The following FER variants were observed in gnomAD, a reference collection of about 807,000 sequenced individuals.
FER encodes tyrosine-protein kinase Fer.
In FER, 63 loss-of-function variants were observed where a neutral mutation model predicts 111.0. The ratio of observed to expected loss-of-function variants is 0.57; its 90% CI spans 0.46 to 0.70. FER has a LOEUF of 0.70. FER is among the 30% of genes least tolerant of loss of function. FER has a pLI of 0.00. For missense variants in FER, 914 were observed against 954.0 expected, an observed-to-expected ratio of 0.96 and a Z score of 0.55; for synonymous variants, 327 against 313.9, an observed-to-expected ratio of 1.04 and a Z score of -0.44.
At chr5:108,953,668 C>CT (rs1276218347) in intron 11 of FER, among the ~76,000 whole-genome samples, 1 of 152,040 alleles carries the variant, frequency 6.6e-6, no homozygotes, top group East Asian at 1.9e-4. Context: ...AATTACCATA[C>CT]TTTGGCCCTA....
chr5:108,779,249 C>T (rs570983764), intron 2 of FER, among the ~76,000 whole-genome samples: 29 of 151,918 alleles, frequency 1.9e-4, no homozygotes, highest in Non-Finnish European at 4.0e-4. Context: ...ATCAGTCTTC[C>T]AACTTTATTC....
At chr5:109,002,225 C>T (rs1764877977) in intron 13 of FER, among the ~76,000 whole-genome samples, 1 of 151,950 alleles carries the variant, frequency 6.6e-6, no homozygotes, top group Non-Finnish European at 1.5e-5. Context: ...TCAAACTATA[C>T]TACAAGGCTA....
intron 5 of FER, among the ~76,000 whole-genome samples, chr5:108,861,554 T>A (rs1763522522): frequency 6.6e-6 from 1 of 152,114 alleles, no homozygotes; most frequent in Non-Finnish European, 1.5e-5. Context: ...CCTGCTCCAA[T>A]GCCTGTCATC....
intron 13 of FER, among the ~76,000 whole-genome samples, chr5:109,015,329 A>G (rs1766930284): frequency 6.6e-6 from 1 of 152,030 alleles, no homozygotes; most frequent in African/African-American, 2.4e-5. Flanking sequence ...GTCAAATAAT[A>G]CTTTCTTTTA....
intron 8 of FER, among the ~76,000 whole-genome samples, 159 bp from the exon 9 acceptor site, chr5:108,883,237 C>G (rs910672428): frequency 2.0e-5 from 3 of 151,960 alleles, no homozygotes; most frequent in African/African-American, 7.2e-5. Flanking sequence ...TGAAATGTGT[C>G]TAATGCAACC....
At chr5:108,924,285 G>A (rs550740978) in intron 10 of FER, among the ~76,000 whole-genome samples, 5 of 150,498 alleles carry the variant, frequency 3.3e-5, no homozygotes, top group South Asian at 2.1e-4. Flanking sequence ...ACTTGAACCC[G>A]GGAAGCAGAG....
chr5:109,082,609 G>A (rs990651490), intron 16 of FER, among the ~76,000 whole-genome samples: 2 of 150,812 alleles, frequency 1.3e-5, no homozygotes, highest in African/African-American at 4.9e-5. Flanking sequence ...AACTCCTACT[G>A]AGAGTTTTAC....
intron 16 of FER, among the ~76,000 whole-genome samples, chr5:109,094,145 AAATT>A (rs1747176676): frequency 6.6e-6 from 1 of 151,294 alleles, no homozygotes; most frequent in African/African-American, 2.4e-5. Flanking sequence ...CAGACATAAA[AAATT>A]AATTGATAAA....
intron 3 of FER, among the ~76,000 whole-genome samples, chr5:108,814,382 G>A (rs528513931): frequency 6.6e-6 from 1 of 152,150 alleles, no homozygotes; most frequent in Non-Finnish European, 1.5e-5. Context: ...AGTGGTGAAA[G>A]TACAGCTACT....
intron 16 of FER, among the ~76,000 whole-genome samples, chr5:109,067,161 TCAGGG>T: frequency 6.6e-6 from 1 of 152,118 alleles, no homozygotes; most frequent in African/African-American, 2.4e-5. Context: ...ACCTTACAGG[TCAGGG>T]TAAGCAACTG....
chr5:108,780,728 T>A (rs541839723), intron 2 of FER, among the ~76,000 whole-genome samples: 1 of 151,834 alleles, frequency 6.6e-6, no homozygotes, highest in South Asian at 2.1e-4. Flanking sequence ...TTTTTTCTGT[T>A]CCTTTCTCTC....
In FER at chr5:108,920,619, C is replaced by G. The variant is rs61018571; in HGVS notation, c.1236+22771C>G. Among the ~76,000 whole-genome samples the G allele has an allele frequency of 9.6e-3, 1,466 of 152,198 alleles. 21 individuals carry two copies. Among genetic ancestry groups the G allele is most frequent in the African/African-American group, 0.034 (1,403 of 41,528 alleles). ...TTAGCAAGTTGTCTTGATATTACCTCCAAAATATATTCCAAATCTGACCTC... is the reference window on the plus strand; with the variant it reads ...TTAGCAAGTTGTCTTGATATTACCTGCAAAATATATTCCAAATCTGACCTC... On this transcript the variant is annotated intron_variant, in intron 10 of 19. Coordinates refer to ENST00000281092, the MANE Select transcript of FER (RefSeq NM_005246.4).
chr5:109,011,968 T>C, intron 13 of FER, among the ~76,000 whole-genome samples: 1 of 152,212 alleles, frequency 6.6e-6, no homozygotes, highest in East Asian at 1.9e-4. Flanking sequence ...TTTCTTTACC[T>C]GGAGTATTGC....
At chr5:109,006,308 T>G (rs1291246551) in intron 13 of FER, among the ~76,000 whole-genome samples, 1 of 152,102 alleles carries the variant, frequency 6.6e-6, no homozygotes, top group Non-Finnish European at 1.5e-5. Context: ...CTGGCGGAGG[T>G]AATGAATCAT....
chr5:109,110,425 T>C (rs1476693660), intron 17 of FER, among the ~76,000 whole-genome samples: 1 of 151,998 alleles, frequency 6.6e-6, no homozygotes, highest in Non-Finnish European at 1.5e-5. Context: ...GCAATGAGCA[T>C]TGGAACTGCA....
chr5:109,109,724 A>G (rs1187526522), intron 17 of FER, among the ~76,000 whole-genome samples: 4 of 152,160 alleles, frequency 2.6e-5, no homozygotes, highest in African/African-American at 7.2e-5. Flanking sequence ...GTTTAGCTGA[A>G]GATACAGAAA....
chr5:109,186,080 C>A, intron 18 of FER, 120 bp from the exon 19 acceptor site: 1 of 1,368,606 alleles, frequency 7.3e-7, no homozygotes, highest in South Asian at 1.3e-5. Context: ...CATATATGTG[C>A]TCCATCATTG....
At chr5:108,980,058 G>C (rs991087951) in intron 13 of FER, among the ~76,000 whole-genome samples, 20 of 151,862 alleles carry the variant, frequency 1.3e-4, no homozygotes, top group African/African-American at 4.3e-4. Flanking sequence ...TTTTTTTTCT[G>C]TTCAGCCCAT....
At chr5:108,749,357 G>C (rs1397668830) in intron 1 of FER, among the ~76,000 whole-genome samples, 2 of 152,108 alleles carry the variant, frequency 1.3e-5, no homozygotes, top group Non-Finnish European at 2.9e-5. Flanking sequence ...GCTGTGGCGG[G>C]CGTAGTGGCT....
Sources: allele counts gnomAD v4.1 joint callset (sites outside exome capture counted in the v4.1 genomes callset), GRCh38; gene constraint gnomAD v4.1.1; transcripts MANE v1.5; gene names NCBI Gene and HGNC (gene_info 2026-07-23, HGNC 2026-07-21).